The following GALNT7 variants were observed in gnomAD, a reference collection of about 807,000 sequenced individuals.
The protein encoded by GALNT7 is N-acetylgalactosaminyltransferase 7.
Under a neutral mutation model 82.1 loss-of-function variants are expected in GALNT7, and 60 were observed. That is an observed-to-expected ratio of 0.73 (90% CI 0.59 to 0.91). GALNT7 has a LOEUF of 0.91. Among genes scored for constraint, GALNT7 ranks in the 40% least tolerant of loss-of-function variants. GALNT7 has a pLI of 0.00. For synonymous variants in GALNT7, 243 were observed against 275.1 expected (o/e 0.88, Z 1.15); for missense variants, 660 against 804.2 (o/e 0.82, Z 2.17).
At chr4:173,243,975 C>T (rs7672108) in intron 1 of GALNT7, among the ~76,000 whole-genome samples, 90,677 of 152,020 alleles carry the variant, frequency 0.6, 28,335 homozygotes, top group East Asian at 0.73. Flanking sequence ...GAATTATGTG[C>T]CAGGATAAGC....
In GALNT7 at chr4:173,289,644, A is replaced by G. The variant is rs566083488; in HGVS notation, c.588-2464A>G. ...TCTTGTTTAACTGTGGGTTTGTTTT[A>G]GGTAAGCCCCCATCCTCTCTGTGCC... is the stretch of plus-strand genomic sequence containing the variant. On this transcript the variant is annotated intron_variant, in intron 2 of 11. Coordinates refer to ENST00000265000, the MANE Select transcript of GALNT7 (RefSeq NM_017423.3). Among the ~76,000 whole-genome samples, 74 of 152,294 alleles carry G rather than the reference A, an allele frequency of 4.9e-4. No homozygotes were observed. The South Asian group carries it at 0.015, about 30-fold the overall frequency.
rs571185666 is a variant in GALNT7 at position 173,293,331 on chromosome 4, A to G, written c.754+1057A>G. 6.1e-4 allele frequency among the ~76,000 whole-genome samples: 92 copies of G among 151,750 alleles called. No individual in the cohort carries two copies. The Middle Eastern group carries it at 0.02, about 34-fold the overall frequency. On this transcript the variant is annotated intron_variant, in intron 3 of 11. Transcript: ENST00000265000. ...TTACAAATCTCTAATGAAGACAATC[A>G]TGCAGGTCCCTTGAGTTTAGAGTAG... is the stretch of plus-strand genomic sequence containing the variant.
At position 173,216,856 on chromosome 4, in the gene GALNT7, G is replaced by A. The variant is rs572948418; in HGVS notation, c.127-31124G>A. ...AGTGATTCTCCTGTCTCAGCCTCCC[G>A]AGTAGCTGGGACTACAGGTACCTGC... On this transcript the variant is annotated intron_variant, in intron 1 of 11. Transcript: ENST00000265000. Among the ~76,000 whole-genome samples, 285 of 148,034 alleles carry A rather than the reference G, an allele frequency of 1.9e-3. 1 individual carries two copies. Among genetic ancestry groups the A allele is most frequent in the African/African-American group, 6.8e-3 (273 of 39,994 alleles).
intron 1 of GALNT7, among the ~76,000 whole-genome samples, chr4:173,175,769 T>C (rs189198460): frequency 1.3e-5 from 2 of 152,202 alleles, no homozygotes; most frequent in Admixed American, 1.3e-4. Context: ...CATCTGTACA[T>C]GGTAATATGA....
chr4:173,212,628 CTTT>C (rs11414071), intron 1 of GALNT7, among the ~76,000 whole-genome samples: 27 of 147,592 alleles, frequency 1.8e-4, no homozygotes, highest in Admixed American at 7.4e-4. Context: ...CTTCAGTTGG[CTTT>C]TTTTTTTTTT....
chr4:173,208,661 C>T (rs1051145694), intron 1 of GALNT7, among the ~76,000 whole-genome samples: 7 of 152,230 alleles, frequency 4.6e-5, no homozygotes, highest in Non-Finnish European at 1.0e-4. Flanking sequence ...TGGCTCTCAT[C>T]TGCTTCCTGT....
At chr4:173,208,621 T>C (rs568008520) in intron 1 of GALNT7, among the ~76,000 whole-genome samples, 3 of 152,332 alleles carry the variant, frequency 2.0e-5, no homozygotes, top group South Asian at 4.1e-4. Context: ...TCATCTCCAC[T>C]GCAGCTCTTT....
intron 1 of GALNT7, among the ~76,000 whole-genome samples, chr4:173,221,274 T>G (rs1733635516): frequency 6.6e-6 from 1 of 152,126 alleles, no homozygotes; most frequent in South Asian, 2.1e-4. Flanking sequence ...ATTTTTTCAT[T>G]TGTTTCTTGG....
intron 1 of GALNT7, among the ~76,000 whole-genome samples, chr4:173,177,106 T>G (rs1470796369): frequency 6.6e-6 from 1 of 152,176 alleles, no homozygotes; most frequent in African/African-American, 2.4e-5. Context: ...TCAAACTTCT[T>G]TAGGCTTCGG....
chr4:173,222,801 C>G (rs189802455), intron 1 of GALNT7, among the ~76,000 whole-genome samples: 26 of 152,220 alleles, frequency 1.7e-4, no homozygotes, highest in African/African-American at 5.8e-4. Context: ...CACTTTACAG[C>G]TGAGCTCAAT....
chr4:173,318,112 C>T (rs1353849446), intron 10 of GALNT7, among the ~76,000 whole-genome samples: 2 of 152,088 alleles, frequency 1.3e-5, no homozygotes, highest in Non-Finnish European at 1.5e-5. Flanking sequence ...ATGTATATTT[C>T]ACTAATATAT....
chr4:173,205,914 G>T (rs1733077430), intron 1 of GALNT7, among the ~76,000 whole-genome samples: 1 of 152,006 alleles, frequency 6.6e-6, no homozygotes, highest in South Asian at 2.1e-4. Context: ...CTGGTGGTGG[G>T]GCAGGTCCAG....
At chr4:173,301,525 AC>A (rs1736935236) in intron 6 of GALNT7, among the ~76,000 whole-genome samples, 1 of 152,210 alleles carries the variant, frequency 6.6e-6, no homozygotes, top group Non-Finnish European at 1.5e-5. Context: ...TTTCTGTGCT[AC>A]ATTTGCAAAC....
intron 1 of GALNT7, among the ~76,000 whole-genome samples, chr4:173,190,769 CA>C (rs1732603610): frequency 6.6e-6 from 1 of 152,038 alleles, no homozygotes; most frequent in Non-Finnish European, 1.5e-5. Context: ...TGAAATTCTA[CA>C]TTTATTGCTT....
intron 2 of GALNT7, among the ~76,000 whole-genome samples, chr4:173,278,390 T>C (rs1234865401): frequency 6.6e-6 from 1 of 152,190 alleles, no homozygotes; most frequent in Non-Finnish European, 1.5e-5. Context: ...GGAAAACACA[T>C]AGCTTTAAAA....
rs1358429045 is a variant in GALNT7, at chr4:173,178,115, A to G, written c.126+9154A>G. Among the ~76,000 whole-genome samples, 2 of 149,956 alleles carry G rather than the reference A, an allele frequency of 1.3e-5. 1 individual carries two copies. Among genetic ancestry groups the G allele is most frequent in the African/African-American group, 5.1e-5 (2 of 39,572 alleles). ...TATTTTAGTTGTGATCATATATAAT[A>G]CTATATAAGATAGATATTGCAACAC... is the stretch of plus-strand genomic sequence containing the variant. On this transcript the variant is annotated intron_variant, in intron 1 of 11. Transcript: ENST00000265000.
intron 1 of GALNT7, among the ~76,000 whole-genome samples, chr4:173,189,289 T>G (rs1345441011): frequency 6.6e-6 from 1 of 152,358 alleles, no homozygotes. Context: ...TCTTGCTACA[T>G]TGCCACAGAG....
chr4:173,191,844 G>A (rs896151857), intron 1 of GALNT7, among the ~76,000 whole-genome samples: 2 of 152,044 alleles, frequency 1.3e-5, no homozygotes, highest in Non-Finnish European at 2.9e-5. Flanking sequence ...GTGACTCATC[G>A]AAAAACTACT....
intron 8 of GALNT7, among the ~76,000 whole-genome samples, chr4:173,307,584 A>C (rs1212757828): frequency 3.3e-5 from 5 of 152,210 alleles, no homozygotes; most frequent in Admixed American, 1.3e-4. Context: ...GGAAAGGAGC[A>C]GAAGCATGCG....
Sources: allele counts gnomAD v4.1 joint callset (sites outside exome capture counted in the v4.1 genomes callset), GRCh38; gene constraint gnomAD v4.1.1; transcripts MANE v1.5; gene names NCBI Gene and HGNC (gene_info 2026-07-23, HGNC 2026-07-21).